Variants in PCDHGA3 observed in about 807,000 individuals in gnomAD.
The protein encoded by PCDHGA3 is protocadherin gamma subfamily A, 3, also known as protocadherin gamma-A3.
Under a neutral mutation model 58.5 loss-of-function variants are expected in PCDHGA3, and 40 were observed. The ratio of observed to expected loss-of-function variants is 0.68; its 90% CI spans 0.53 to 0.89. The LOEUF is 0.89. PCDHGA3 is among the 40% of genes least tolerant of loss of function. The probability of loss-of-function intolerance (pLI) is 0.00; values close to 1 mark genes in which losing one functional copy is unlikely to be tolerated. For synonymous variants in PCDHGA3, 530 were observed against 525.7 expected (o/e 1.01, Z -0.11); for missense variants, 1,223 against 1,195.9 (o/e 1.02, Z -0.33).
chr5:141,389,429 G>T, intron 1 of PCDHGA3: 1 of 1,610,654 alleles, frequency 6.2e-7, no homozygotes, highest in East Asian at 2.2e-5. Flanking sequence ...TGTTCGCGCA[G>T]CGCGCCTTCG....
chr5:141,482,144 G>A (rs564178008), intron 1 of PCDHGA3, among the ~76,000 whole-genome samples: 2 of 151,756 alleles, frequency 1.3e-5, no homozygotes, highest in African/African-American at 2.4e-5. Flanking sequence ...GGCATAAAAA[G>A]GTCAAGTCAA....
chr5:141,412,559 GTTTA>G (rs2095563108), intron 1 of PCDHGA3: 1 of 152,224 alleles, frequency 6.6e-6, no homozygotes, highest in Admixed American at 6.5e-5. Flanking sequence ...TATCTCATGA[GTTTA>G]TTTAATATAA....
chr5:141,420,147 C>T lies in PCDHGA3; in HGVS notation c.2424+73690C>T, dbSNP rs1480828845. On this transcript the variant is annotated intron_variant, in intron 1 of 3. Transcript: ENST00000253812. Reference sequence around the variant, plus strand: ...TGTGTGCCTGGGGATCAAATGAATCCAGAATTTAATTTTTTCACATCTGTT... The same window carrying T: ...TGTGTGCCTGGGGATCAAATGAATCTAGAATTTAATTTTTTCACATCTGTT... The T allele has an allele frequency of 2.5e-6, 4 of 1,613,848 alleles. No individual in the cohort carries two copies. The East Asian group carries it at 8.9e-5, about 36-fold the overall frequency.
chr5:141,392,688 C>T (rs1009459106), intron 1 of PCDHGA3: 2 of 1,113,934 alleles, frequency 1.8e-6, no homozygotes, highest in Non-Finnish European at 2.5e-6. Flanking sequence ...GCAGCGAAAC[C>T]CGACCCCTGT....
At chr5:141,375,731 C>T (rs370856492) in intron 1 of PCDHGA3, 146 of 1,614,138 alleles carry the variant, frequency 9.0e-5, no homozygotes, top group Non-Finnish European at 1.2e-4. Context: ...GTCACTGAGC[C>T]TGTTTGTGCT....
intron 1 of PCDHGA3, chr5:141,403,174 T>C: frequency 1.9e-6 from 3 of 1,614,000 alleles, no homozygotes; most frequent in Non-Finnish European, 2.5e-6. Context: ...GGACGCAGCT[T>C]TTCTCTCTGA....
rs980944782 is a variant in PCDHGA3 at position 141,487,625 on chromosome 5, T to C, written c.2425-7182T>C. On this transcript the variant is annotated intron_variant, in intron 1 of 3. Coordinates refer to ENST00000253812, the MANE Select transcript of PCDHGA3 (RefSeq NM_018916.4). This position sits in a 1 kb window ranked among gnomAD's most constrained non-coding sequence, Gnocchi z 5.0. ...TCTCTATGGGCTAGAGGTGAGACCT[T>C]TGCAGGCTCAACAAATGCTTGAGGG... 4 of 1,614,090 alleles carry C rather than the reference T, an allele frequency of 2.5e-6. No homozygotes were observed. Among genetic ancestry groups the C allele is most frequent in the Admixed American group, 3.3e-5 (2 of 60,004 alleles).
At chr5:141,371,163 G>A (rs79773129) in intron 1 of PCDHGA3, 6 of 1,613,984 alleles carry the variant, frequency 3.7e-6, no homozygotes, top group African/African-American at 1.3e-5. Flanking sequence ...GAACCTGCCC[G>A]CTGGCTCCTC....
At chr5:141,509,570 G>A (rs2099877371) in intron 3 of PCDHGA3, among the ~76,000 whole-genome samples, 1 of 152,232 alleles carries the variant, frequency 6.6e-6, no homozygotes, top group South Asian at 2.1e-4. Flanking sequence ...AGCCTTCACA[G>A]TGCGTACAAA....
rs115281328 is a variant in PCDHGA3, at chr5:141,377,595, C to T, written c.2424+31138C>T. 1,339 of 144,106 alleles carry T rather than the reference C, an allele frequency of 9.3e-3. 18 individuals are homozygous for T. Among genetic ancestry groups the T allele is most frequent in the African/African-American group, 0.033 (1,264 of 38,356 alleles). 8.9% of individuals were successfully genotyped at this position (144,106 alleles called of 1,614,324 possible). The stretch of plus-strand genomic sequence containing the variant: ...TGGGAGACAGAATGAGACTTTTTCT[C>T]TCTCTCTCTCAAAAAAAAAAAAAGA... On this transcript the variant is annotated intron_variant, in intron 1 of 3. Coordinates refer to ENST00000253812, the MANE Select transcript of PCDHGA3 (RefSeq NM_018916.4).
intron 1 of PCDHGA3, chr5:141,384,679 G>T: frequency 6.2e-7 from 1 of 1,614,216 alleles, no homozygotes; most frequent in Non-Finnish European, 8.5e-7. Context: ...GGTGGTGGCG[G>T]TGGACAAAGA....
At chr5:141,356,326 T>C (rs1262084306) in intron 1 of PCDHGA3, 3 of 1,554,336 alleles carry the variant, frequency 1.9e-6, no homozygotes, top group Non-Finnish European at 2.6e-6. Flanking sequence ...TGACAGTGAC[T>C]CAGGAGGAAA....
intron 1 of PCDHGA3, among the ~76,000 whole-genome samples, chr5:141,483,644 G>A (rs2099584188): frequency 6.8e-6 from 1 of 146,522 alleles, no homozygotes; most frequent in African/African-American, 2.7e-5. Context: ...AGAGGGGTGT[G>A]TGTTTGTGTG....
At chr5:141,460,741 A>G (rs1378900827) in intron 1 of PCDHGA3, among the ~76,000 whole-genome samples, 1 of 152,128 alleles carries the variant, frequency 6.6e-6, no homozygotes, top group Non-Finnish European at 1.5e-5. Flanking sequence ...CACATTGTAT[A>G]TATATGTGTA....
chr5:141,501,852 A>G (rs922276780), intron 2 of PCDHGA3, among the ~76,000 whole-genome samples: 2 of 151,924 alleles, frequency 1.3e-5, no homozygotes, highest in African/African-American at 4.8e-5. Context: ...TCAACCTTCA[A>G]CCATTTCCCA....
chr5:141,486,371 G>T lies in PCDHGA3; in HGVS notation c.2425-8436G>T. 1.9e-6 allele frequency: 3 copies of T among 1,614,138 alleles called. No homozygotes were observed. The highest frequency in any genetic ancestry group is 2.5e-6 in the Non-Finnish European group (3 of 1,180,010). On this transcript the variant is annotated intron_variant, in intron 1 of 3. Coordinates refer to ENST00000253812, the MANE Select transcript of PCDHGA3 (RefSeq NM_018916.4). The surrounding 1 kb of genome is among the most constrained non-coding windows in gnomAD (Gnocchi z 5.0). ...CCACTTGCCATTTGCCCTCAAGTCT[G>T]CCTTCAGGAACCAGTTCTCCCTGGT...
intron 1 of PCDHGA3, among the ~76,000 whole-genome samples, chr5:141,436,809 A>T (rs2097847373): frequency 6.6e-6 from 1 of 152,242 alleles, no homozygotes; most frequent in Non-Finnish European, 1.5e-5. Context: ...TTTTTGTGAC[A>T]GCTGGTTTAA....
chr5:141,391,744 C>T (rs559357798), intron 1 of PCDHGA3: 1 of 152,230 alleles, frequency 6.6e-6, no homozygotes, highest in South Asian at 2.1e-4. Context: ...TCATACTTAT[C>T]CTTTGGCTTC....
intron 1 of PCDHGA3, among the ~76,000 whole-genome samples, chr5:141,363,769 G>A (rs1354006862): frequency 6.6e-6 from 1 of 152,102 alleles, no homozygotes; most frequent in Non-Finnish European, 1.5e-5. Context: ...AAATAAGCAC[G>A]TTTTCCTAAA....
Sources: gnomAD v4.1 joint callset for allele counts (sites outside exome capture counted in the v4.1 genomes callset) on GRCh38, gnomAD v4.1.1 for gene constraint, Gnocchi (gnomAD v3.1) non-coding constraint, MANE v1.5 for transcripts, NCBI Gene and HGNC (gene_info 2026-07-23, HGNC 2026-07-21) for gene names.